FER: variants seen among roughly 807,000 people sequenced by gnomAD.
FER encodes the protein FER tyrosine kinase.
FER carries 63 observed loss-of-function variants against 111.0 expected under a neutral mutation model. The observed-to-expected ratio is 0.57, with a 90% CI of 0.46 to 0.70. The LOEUF is 0.70. Ranked by LOEUF, FER falls within the 30% of genes least tolerant of loss-of-function variation. The pLI, the probability that FER is intolerant of heterozygous loss-of-function variation, is 0.00. For missense variants in FER, 914 were observed against 954.0 expected (o/e 0.96, Z 0.55); for synonymous variants, 327 against 313.9 (o/e 1.04, Z -0.44).
intron 6 of FER, among the ~76,000 whole-genome samples, chr5:108,868,444 C>A (rs148646537): frequency 6.6e-6 from 1 of 152,108 alleles, no homozygotes; most frequent in Non-Finnish European, 1.5e-5. Flanking sequence ...ACAATTCTTG[C>A]CTTCTTGATC....
chr5:108,946,067 A>C (rs540562093), intron 10 of FER, 63 bp from the exon 11 acceptor site: 3 of 1,130,510 alleles, frequency 2.7e-6, no homozygotes, highest in South Asian at 1.3e-5. Context: ...ACCTAAATAC[A>C]TAAATGTCTA....
At chr5:108,953,838 AC>A (rs1202780545) in intron 11 of FER, among the ~76,000 whole-genome samples, 1 of 152,052 alleles carries the variant, frequency 6.6e-6, no homozygotes, top group African/African-American at 2.4e-5. Flanking sequence ...CTGTACCTTA[AC>A]CGCAAAGTAC....
intron 17 of FER, among the ~76,000 whole-genome samples, chr5:109,116,416 T>C (rs566429956): frequency 4.9e-4 from 66 of 133,996 alleles, no homozygotes; most frequent in African/African-American, 1.8e-3. Flanking sequence ...TGTCAGATTA[T>C]TCCCCCCGCC....
At chr5:109,101,148 G>C (rs1016655232) in intron 17 of FER, among the ~76,000 whole-genome samples, 7 of 151,846 alleles carry the variant, frequency 4.6e-5, no homozygotes, top group African/African-American at 1.4e-4. Context: ...CTTGTAGCGG[G>C]AATTGTTTTT....
intron 13 of FER, among the ~76,000 whole-genome samples, chr5:109,008,794 A>T (rs1765830200): frequency 6.6e-6 from 1 of 152,064 alleles, no homozygotes; most frequent in Non-Finnish European, 1.5e-5. Flanking sequence ...AACATGGAGA[A>T]ACCCTGTCTC....
chr5:108,767,153 A>T (rs1345272307), intron 1 of FER, among the ~76,000 whole-genome samples: 2 of 152,050 alleles, frequency 1.3e-5, no homozygotes, highest in Non-Finnish European at 2.9e-5. Flanking sequence ...AAAATGCAAG[A>T]ATCAGCTGGG....
chr5:108,799,520 A>G (rs556655990), intron 3 of FER, among the ~76,000 whole-genome samples: 2 of 152,326 alleles, frequency 1.3e-5, no homozygotes, highest in South Asian at 4.1e-4. Context: ...GCCAGTATCT[A>G]GTCTGAAGGT....
At chr5:109,069,731 C>G (rs891007481) in intron 16 of FER, among the ~76,000 whole-genome samples, 4 of 152,134 alleles carry the variant, frequency 2.6e-5, no homozygotes, top group African/African-American at 9.6e-5. Context: ...TCAAAATGTC[C>G]TATTTCCAAT....
chr5:108,749,335 C>T (rs1238411020), intron 1 of FER, among the ~76,000 whole-genome samples: 5 of 151,804 alleles, frequency 3.3e-5, no homozygotes, highest in African/African-American at 7.2e-5. Context: ...GGGCGGGTGC[C>T]GGCGCGAAAG....
chr5:109,076,498 T>C (rs1046213175), intron 16 of FER, among the ~76,000 whole-genome samples: 2 of 152,128 alleles, frequency 1.3e-5, no homozygotes, highest in African/African-American at 2.4e-5. Context: ...GGTGTAATCA[T>C]GGCACACTGC....
intron 10 of FER, among the ~76,000 whole-genome samples, chr5:108,930,771 ACT>A (rs1399543258): frequency 6.7e-6 from 1 of 149,938 alleles, no homozygotes; most frequent in Non-Finnish European, 1.5e-5. Flanking sequence ...GCAACAGTAC[ACT>A]CTACTGATTT....
intron 2 of FER, among the ~76,000 whole-genome samples, chr5:108,783,619 A>G (rs566935301): frequency 1.3e-5 from 2 of 152,290 alleles, no homozygotes; most frequent in African/African-American, 4.8e-5. Context: ...TAGGTTTATC[A>G]TGCAGGTCTT....
rs765590553 is a variant in FER, at chr5:108,897,826, A to G, written c.1214A>G (p.Asp405Gly). ...EPPPVVNYEE[D>G]ARSVTSMERK... is the part of the protein sequence containing the mutation. ...CCTCCAGTAGTAAATTATGAAGAAG[A>G]TGCACGATCAGTTACATCTATGGTA... Residue 405 changes from aspartate to glycine, a missense_variant, in exon 10 of 20, where the codon GAT becomes GGT. Asp to Gly is a moderately conservative substitution (Grantham distance 94). Around this residue, in one of 3 missense-constraint regions of FER, gnomAD observed 774 missense variants for 782.6 expected, o/e 0.99. Transcript: ENST00000281092. The G allele has an allele frequency of 6.2e-7, 1 of 1,612,040 alleles. No homozygotes were observed. The highest frequency in any genetic ancestry group is 2.2e-5 in the East Asian group (1 of 44,782).
chr5:108,808,861 A>G (rs770343528), intron 3 of FER, among the ~76,000 whole-genome samples: 12 of 152,188 alleles, frequency 7.9e-5, no homozygotes, highest in South Asian at 4.2e-4. Flanking sequence ...GTTTGGTGAG[A>G]TGTGAAATTC....
rs1775882636 is a variant in FER at position 109,072,491 on chromosome 5, G to T, written c.1924+25293G>T. On this transcript the variant is annotated intron_variant, in intron 16 of 19. Transcript: ENST00000281092. ...AAACTCAGATTGTGCGGTATTTTCT[G>T]TTGTTGTTACAACGAAAAATAAATG... is the stretch of plus-strand genomic sequence containing the variant. Among the ~76,000 whole-genome samples the T allele has an allele frequency of 2.0e-5, 3 of 151,638 alleles. No individual in the cohort carries two copies. In the South Asian group the frequency reaches 6.2e-4, roughly 32 times the overall value.
chr5:108,766,171 A>G (rs1324673624), intron 1 of FER, among the ~76,000 whole-genome samples: 1 of 152,086 alleles, frequency 6.6e-6, no homozygotes, highest in Non-Finnish European at 1.5e-5. Flanking sequence ...GACTCAAGTG[A>G]TCCTCCTGCC....
chr5:108,751,402 T>A (rs1750494173), intron 1 of FER, among the ~76,000 whole-genome samples: 1 of 152,206 alleles, frequency 6.6e-6, no homozygotes, highest in Non-Finnish European at 1.5e-5. Flanking sequence ...GAAGTCATCA[T>A]CTTTGTAATC....
intron 16 of FER, among the ~76,000 whole-genome samples, chr5:109,081,863 C>T (rs146473278): frequency 2.0e-5 from 3 of 151,796 alleles, no homozygotes; most frequent in African/African-American, 7.2e-5. Flanking sequence ...TTACTTTTTC[C>T]TAAAGTACTT....
intron 1 of FER, among the ~76,000 whole-genome samples, chr5:108,750,206 A>G (rs1400180590): frequency 6.6e-6 from 1 of 152,186 alleles, no homozygotes; most frequent in Non-Finnish European, 1.5e-5. Context: ...ATAGATCAAA[A>G]CTATTTTAGT....
Sources: allele counts gnomAD v4.1 joint callset (sites outside exome capture counted in the v4.1 genomes callset), GRCh38; gene constraint gnomAD v4.1.1; regional missense constraint gnomAD v4.1.1; transcripts MANE v1.5; gene names NCBI Gene and HGNC (gene_info 2026-07-23, HGNC 2026-07-21).